TGS1: variants seen among roughly 807,000 people sequenced by gnomAD.
TGS1 encodes trimethylguanosine synthase.
Under a neutral mutation model 92.2 loss-of-function variants are expected in TGS1, and 69 were observed. The ratio of observed to expected loss-of-function variants is 0.75; its 90% CI spans 0.62 to 0.91. TGS1 has a LOEUF of 0.91. Ranked by LOEUF, TGS1 falls within the 40% of genes least tolerant of loss-of-function variation. TGS1 has a pLI of 0.00. For missense variants in TGS1, 1,062 were observed against 1,001.2 expected (o/e 1.06, Z -0.82); for synonymous variants, 345 against 338.1 (o/e 1.02, Z -0.22).
At chr8:55,811,564 A>C (rs1479924646) in intron 11 of TGS1, among the ~76,000 whole-genome samples, 1 of 151,858 alleles carries the variant, frequency 6.6e-6, no homozygotes, top group Non-Finnish European at 1.5e-5. Context: ...GATCGAGACC[A>C]TCCTGGCTAA....
chr8:55,773,743 C>T, intron 1 of TGS1, 24 bp downstream of exon 1: 1 of 1,564,924 alleles, frequency 6.4e-7, no homozygotes. Flanking sequence ...AGAATCTCTT[C>T]ATGTTCTAGC....
intron 2 of TGS1, 66 bp downstream of exon 2, chr8:55,782,878 A>T (rs879032953): frequency 4.1e-6 from 4 of 972,346 alleles, no homozygotes; most frequent in Non-Finnish European, 6.2e-6. Context: ...TAATTTATGT[A>T]TAATTTGTTA....
chr8:55,777,100 C>G (rs1481509519), intron 1 of TGS1, among the ~76,000 whole-genome samples: 1 of 151,842 alleles, frequency 6.6e-6, no homozygotes, highest in East Asian at 1.9e-4. Flanking sequence ...CTCAACTTCC[C>G]TGGCTCAAGC....
chr8:55,790,610 G>A (rs1459789870), intron 5 of TGS1, among the ~76,000 whole-genome samples: 2 of 151,562 alleles, frequency 1.3e-5, no homozygotes, highest in Non-Finnish European at 2.9e-5. Context: ...AATTGAACTT[G>A]AACTCCTCAG....
Position 55,810,960 on chromosome 8 carries a change from A to G in TGS1, c.2223A>G (p.Ile741Met). 1.2e-6 allele frequency: 2 copies of G among 1,614,182 alleles called. No individual in the cohort carries two copies. The highest frequency in any genetic ancestry group is 1.7e-6 in the Non-Finnish European group (2 of 1,180,012). The change falls in exon 11 of 13, where the codon ATA (isoleucine) becomes ATG (methionine). Residue 741 changes from isoleucine (I) to methionine (M), a missense_variant. Ile to Met is a conservative substitution (Grantham distance 10). Transcript: ENST00000260129. ...NAEVYGIADK[I>M]EFICGDFLLL... is the part of the protein sequence containing the mutation. ...AAGTTTATGGGATAGCAGATAAGAT[A>G]GAGTTCATCTGTGGAGATTTCTTGC...
chr8:55,791,018 A>T (rs991952777), intron 5 of TGS1, among the ~76,000 whole-genome samples: 3 of 151,968 alleles, frequency 2.0e-5, no homozygotes, highest in African/African-American at 4.8e-5. Flanking sequence ...AAAAGTCTGG[A>T]TATATTTTAT....
intron 12 of TGS1, among the ~76,000 whole-genome samples, chr8:55,817,958 C>T (rs1803530592): frequency 6.6e-6 from 1 of 152,186 alleles, no homozygotes; most frequent in South Asian, 2.1e-4. Flanking sequence ...ATTTCATTGA[C>T]TCATCATGAC....
At chr8:55,807,796 T>C (rs1234223656) in intron 10 of TGS1, among the ~76,000 whole-genome samples, 1 of 152,168 alleles carries the variant, frequency 6.6e-6, no homozygotes, top group Non-Finnish European at 1.5e-5. Context: ...CTAAAAGTGC[T>C]GGAATTACAG....
At chr8:55,821,862 G>A (rs1028487509) in intron 12 of TGS1, among the ~76,000 whole-genome samples, 3 of 151,536 alleles carry the variant, frequency 2.0e-5, no homozygotes, top group African/African-American at 7.3e-5. Context: ...GCAGCAGAGC[G>A]AGACTCCATC....
In TGS1 at chr8:55,785,895, A is replaced by G. The variant is rs1563452234; in HGVS notation, c.339+4A>G. Reference sequence around the variant, plus strand: ...AACTGCACATAAGGATTTTGAGGTAAATATTAATTTACTTTTATTATTTCT... The same window carrying G: ...AACTGCACATAAGGATTTTGAGGTAGATATTAATTTACTTTTATTATTTCT... On this transcript the variant is annotated splice_donor_region_variant and intron_variant, in intron 3 of 12. Transcript: ENST00000260129. The G allele has an allele frequency of 6.3e-7, 1 of 1,580,768 alleles. No individual in the cohort carries two copies. Among genetic ancestry groups the G allele is most frequent in the East Asian group, 2.2e-5 (1 of 44,488 alleles).
In TGS1 at chr8:55,773,613, GGTAAA is replaced by G. The variant is rs1389961280; in HGVS notation, c.-5_-1del. Reference sequence around the variant, plus strand: ...CGTACGTCAGAGCTGCCTCCGAAGTGGTAAAATGTGCTGCGAGAAGTGGAGCCGCG... The same window carrying G: ...CGTACGTCAGAGCTGCCTCCGAAGTGATGTGCTGCGAGAAGTGGAGCCGCG... On this transcript the variant is annotated 5_prime_UTR_variant, in exon 1 of 13. Coordinates refer to ENST00000260129, the MANE Select transcript of TGS1 (RefSeq NM_024831.8). 1 of 1,608,838 alleles carries G rather than the reference GGTAAA, an allele frequency of 6.2e-7. No homozygotes were observed. Among genetic ancestry groups the G allele is most frequent in the Non-Finnish European group, 8.5e-7 (1 of 1,177,846 alleles).
intron 12 of TGS1, among the ~76,000 whole-genome samples, chr8:55,821,121 A>G (rs1263111083): frequency 1.3e-5 from 2 of 152,246 alleles, no homozygotes; most frequent in African/African-American, 4.8e-5. Flanking sequence ...TCGTAATCAG[A>G]ACACTTGAAA....
intron 2 of TGS1, among the ~76,000 whole-genome samples, chr8:55,784,868 G>T (rs185269912): frequency 6.6e-6 from 1 of 152,172 alleles, no homozygotes; most frequent in Non-Finnish European, 1.5e-5. Flanking sequence ...TACATGGCCT[G>T]TTCTGTCTTC....
In TGS1 at chr8:55,773,656, T is replaced by C. The variant is rs998637473; in HGVS notation, c.38T>C (p.Phe13Ser). ...AAGTGGAGCCGCGTGGCGGAAATGTTTCTCTTCATTGAGGAGCGGGAGGAT... is the reference window on the plus strand; with the variant it reads ...AAGTGGAGCCGCGTGGCGGAAATGTCTCTCTTCATTGAGGAGCGGGAGGAT... ...CEKWSRVAEM[F>S]LFIEEREDCK... Residue 13 changes from phenylalanine to serine, a missense_variant, in exon 1 of 13, where the codon TTT (phenylalanine) becomes TCT (serine). Coordinates refer to ENST00000260129, the MANE Select transcript of TGS1 (RefSeq NM_024831.8). The C allele has an allele frequency of 1.9e-6, 3 of 1,611,244 alleles. No individual in the cohort carries two copies. In the African/African-American group the frequency reaches 4.0e-5, roughly 22 times the overall value.
intron 5 of TGS1, 78 bp downstream of exon 5, chr8:55,790,377 ATTG>A: frequency 1.1e-6 from 1 of 906,908 alleles, no homozygotes; most frequent in East Asian, 2.4e-5. Flanking sequence ...TTATTAAATG[ATTG>A]TTATGTTCAC....
intron 12 of TGS1, 83 bp from the exon 13 acceptor site, chr8:55,824,497 AT>A: frequency 6.5e-7 from 1 of 1,546,064 alleles, no homozygotes; most frequent in Non-Finnish European, 8.8e-7. Context: ...GAGTCTTCCT[AT>A]TATTTGATAA....
At chr8:55,801,035 T>A (rs945847554) in intron 8 of TGS1, among the ~76,000 whole-genome samples, 20 of 152,248 alleles carry the variant, frequency 1.3e-4, no homozygotes, top group African/African-American at 4.6e-4. Context: ...TTCCGTGGAA[T>A]GGAGCTAGTG....
chr8:55,798,590 A>G (rs1198311246), intron 7 of TGS1, among the ~76,000 whole-genome samples: 3 of 152,258 alleles, frequency 2.0e-5, no homozygotes, highest in East Asian at 3.8e-4. Flanking sequence ...ATGTAGCTGT[A>G]GCACAGTTAA....
rs1279680553 is a variant in TGS1 at position 55,773,479 on chromosome 8, C to A, written c.-140C>A. On this transcript the variant is annotated 5_prime_UTR_variant, in exon 1 of 13. Transcript: ENST00000260129. ...CGGCAGCGTCCGGGCTAGTTCCCGGCGCGAGCGGCCGCGGGCCAGTTTCTA... is the reference window on the plus strand; with the variant it reads ...CGGCAGCGTCCGGGCTAGTTCCCGGAGCGAGCGGCCGCGGGCCAGTTTCTA... 1.0e-5 allele frequency: 6 copies of A among 585,812 alleles called. No homozygotes were observed. Among genetic ancestry groups the A allele is most frequent in the Non-Finnish European group, 1.4e-5 (5 of 350,890 alleles). The allele number at this position is 585,812 out of a possible 1,614,324, so 36.3% of individuals were successfully genotyped here. A position where few individuals can be genotyped will look rare whatever the true frequency, so the allele number is the denominator to read the frequency against.
Sources: allele counts gnomAD v4.1 joint callset (sites outside exome capture counted in the v4.1 genomes callset), GRCh38; gene constraint gnomAD v4.1.1; transcripts MANE v1.5; gene names NCBI Gene and HGNC (gene_info 2026-07-23, HGNC 2026-07-21).